Variants in ADARB2 observed in about 807,000 individuals in gnomAD.
ADARB2 encodes inactive double-stranded RNA-specific editase B2.
A neutral mutation model predicts 62.2 loss-of-function variants in ADARB2; 25 were observed. The observed-to-expected ratio is 0.40, with a 90% CI of 0.29 to 0.56. The LOEUF is 0.56. ADARB2 is among the 20% of genes least tolerant of loss of function. The pLI, the probability that ADARB2 is intolerant of heterozygous loss-of-function variation, is 0.43. For synonymous variants in ADARB2, 572 were observed against 500.8 expected, an observed-to-expected ratio of 1.14 and a Z score of -1.90; for missense variants, 1,071 against 1,077.4, an observed-to-expected ratio of 0.99 and a Z score of 0.08.
rs879931515 is a variant in ADARB2 at position 1,591,710 on chromosome 10, G to A, written c.100+145341C>T. On this transcript the variant is annotated intron_variant, in intron 1 of 9. Coordinates refer to ENST00000381312, the MANE Select transcript of ADARB2 (RefSeq NM_018702.4). ...ACTCACCAGGACCCCCCCACCTGCC[G>A]CCGTCTTGTTGGACGAGGTGGCAGA... Among the ~76,000 whole-genome samples, 4 of 151,432 alleles carry A rather than the reference G, an allele frequency of 2.6e-5. 1 individual carries two copies. Among genetic ancestry groups the A allele is most frequent in the Admixed American group, 1.3e-4 (2 of 15,244 alleles).
At chr10:1,413,979 G>T (rs887841901) in intron 1 of ADARB2, among the ~76,000 whole-genome samples, 1 of 152,196 alleles carries the variant, frequency 6.6e-6, no homozygotes, top group Non-Finnish European at 1.5e-5. Context: ...AAAACAATGT[G>T]TGCTCGCTGG....
chr10:1,362,943 G>C (rs1832273714), intron 3 of ADARB2, 85 bp downstream of exon 3: 1 of 1,203,108 alleles, frequency 8.3e-7, no homozygotes, highest in Non-Finnish European at 1.1e-6. Context: ...GAGAAGCCTG[G>C]ACGCCACTCC....
chr10:1,489,697 C>G (rs779208409), intron 1 of ADARB2, among the ~76,000 whole-genome samples: 1 of 152,220 alleles, frequency 6.6e-6, no homozygotes, highest in Middle Eastern at 3.4e-3. Flanking sequence ...TTAGGTAAGA[C>G]GAACTCTGAA....
At chr10:1,429,009 G>A (rs1830750612) in intron 1 of ADARB2, among the ~76,000 whole-genome samples, 1 of 151,446 alleles carries the variant, frequency 6.6e-6, no homozygotes, top group Admixed American at 6.6e-5. Flanking sequence ...CTATATTCTG[G>A]TCTGAATCAG....
chr10:1,267,627 A>G (rs1020367999), intron 4 of ADARB2, among the ~76,000 whole-genome samples: 2 of 152,332 alleles, frequency 1.3e-5, no homozygotes, highest in South Asian at 4.1e-4. Flanking sequence ...CAATAAGAGA[A>G]AAAAGAAGAC....
chr10:1,499,464 C>A (rs1831736342), intron 1 of ADARB2, among the ~76,000 whole-genome samples: 1 of 151,956 alleles, frequency 6.6e-6, no homozygotes, highest in African/African-American at 2.4e-5. Flanking sequence ...TCATTACTCA[C>A]TCATCATTCA....
Position 1,730,762 on chromosome 10 carries a change from CTA to C in ADARB2, c.100+6287_100+6288del, listed in dbSNP as rs200427492. On this transcript the variant is annotated intron_variant, in intron 1 of 9. Coordinates refer to ENST00000381312, the MANE Select transcript of ADARB2 (RefSeq NM_018702.4). ...TATGGAATTTAGATGATCTGTTCTG[CTA>C]TGTTTTCAGATTAAAAAACTGAACG... is the stretch of plus-strand genomic sequence containing the variant. Among the ~76,000 whole-genome samples, 963 of 152,132 alleles carry C rather than the reference CTA, an allele frequency of 6.3e-3. 5 individuals carry two copies. The highest frequency in any genetic ancestry group is 0.021 in the African/African-American group (877 of 41,492).
At chr10:1,565,584 C>T (rs1192860370) in intron 1 of ADARB2, among the ~76,000 whole-genome samples, 5 of 152,212 alleles carry the variant, frequency 3.3e-5, no homozygotes, top group Non-Finnish European at 4.4e-5. Flanking sequence ...TTTTGAAAGG[C>T]GTCTGACTTC....
chr10:1,645,320 T>C lies in ADARB2; in HGVS notation c.100+91731A>G, dbSNP rs538186049. On this transcript the variant is annotated intron_variant, in intron 1 of 9. Coordinates refer to ENST00000381312, the MANE Select transcript of ADARB2 (RefSeq NM_018702.4). ...GTGTGGCAGAATCCAAAAAGACTGATTCTATATGTCCCTACTGGGAGGTTA... is the reference window on the plus strand; with the variant it reads ...GTGTGGCAGAATCCAAAAAGACTGACTCTATATGTCCCTACTGGGAGGTTA... 1.1e-4 allele frequency among the ~76,000 whole-genome samples: 17 copies of C among 152,296 alleles called. No individual in the cohort carries two copies. In the East Asian group the frequency reaches 2.3e-3, roughly 21 times the overall value.
intron 1 of ADARB2, among the ~76,000 whole-genome samples, chr10:1,659,385 C>G (rs918772925): frequency 5.9e-5 from 9 of 152,162 alleles, no homozygotes; most frequent in Admixed American, 1.3e-4. Context: ...GAGCCAGGCA[C>G]AGGGACAGAA....
At chr10:1,574,941 T>A (rs1279261862) in intron 1 of ADARB2, among the ~76,000 whole-genome samples, 1 of 40,738 alleles carries the variant, frequency 2.5e-5, no homozygotes, top group Non-Finnish European at 5.7e-5. Context: ...TGCCAGGAGA[T>A]CCAGGGGCAG....
intron 1 of ADARB2, among the ~76,000 whole-genome samples, chr10:1,727,993 T>G (rs1372700457): frequency 6.6e-6 from 1 of 152,252 alleles, no homozygotes; most frequent in East Asian, 1.9e-4. Context: ...GCACCATACT[T>G]TAAAATCAAG....
chr10:1,421,724 T>C (rs1307547446), intron 1 of ADARB2, among the ~76,000 whole-genome samples: 1 of 152,148 alleles, frequency 6.6e-6, no homozygotes, highest in Non-Finnish European at 1.5e-5. Context: ...GTCCTTTCCA[T>C]TGTAAGATTC....
chr10:1,276,252 A>G (rs9419483), intron 3 of ADARB2, among the ~76,000 whole-genome samples: 83,882 of 151,914 alleles, frequency 0.55, 23,504 homozygotes, highest in South Asian at 0.77. Context: ...TTTCTCTGAT[A>G]GCCAGTGATG....
intron 6 of ADARB2, among the ~76,000 whole-genome samples, chr10:1,225,596 G>C (rs1245262612): frequency 6.8e-6 from 1 of 147,378 alleles, no homozygotes; most frequent in African/African-American, 2.5e-5. Context: ...AGTTCTTGTA[G>C]GGCAGGCCTG....
chr10:1,190,267 G>A (rs965297606), intron 8 of ADARB2, among the ~76,000 whole-genome samples: 5 of 152,024 alleles, frequency 3.3e-5, no homozygotes, highest in Admixed American at 6.5e-5. Context: ...GGGGTCCCAC[G>A]CTTCTCACTC....
intron 3 of ADARB2, among the ~76,000 whole-genome samples, chr10:1,324,480 C>T (rs955132205): frequency 3.3e-5 from 5 of 152,176 alleles, no homozygotes; most frequent in African/African-American, 9.7e-5. Context: ...AACTGGAATC[C>T]GCCCAGATGT....
chr10:1,437,271 C>CAT (rs1414639426), intron 1 of ADARB2, among the ~76,000 whole-genome samples: 98 of 151,480 alleles, frequency 6.5e-4, no homozygotes, highest in African/African-American at 2.0e-3. Context: ...CACACATGCA[C>CAT]ATATATATAT....
intron 4 of ADARB2, among the ~76,000 whole-genome samples, chr10:1,259,363 G>T (rs2131788903): frequency 6.6e-6 from 1 of 152,200 alleles, no homozygotes; most frequent in South Asian, 2.1e-4. Flanking sequence ...TCCAGGAGCT[G>T]GTTTTTTGAA....
Sources: gnomAD v4.1 joint callset for allele counts (sites outside exome capture counted in the v4.1 genomes callset) on GRCh38, gnomAD v4.1.1 for gene constraint, MANE v1.5 for transcripts, NCBI Gene and HGNC (gene_info 2026-07-23, HGNC 2026-07-21) for gene names.